MIER3: variants seen among roughly 807,000 people sequenced by gnomAD.
MIER3 encodes mesoderm induction early response protein 3.
Under a neutral mutation model 63.2 loss-of-function variants are expected in MIER3, and 9 were observed. That is an observed-to-expected ratio of 0.14 (90% CI 0.09 to 0.25). MIER3 has a LOEUF of 0.25. MIER3 is among the 10% of genes least tolerant of loss of function. MIER3 has a pLI of 1.00. For missense variants in MIER3, 512 were observed against 666.2 expected (o/e 0.77, Z 2.55); for synonymous variants, 205 against 224.9 (o/e 0.91, Z 0.79).
intron 5 of MIER3, among the ~76,000 whole-genome samples, chr5:56,937,317 T>C (rs1750481285): frequency 6.6e-6 from 1 of 152,172 alleles, no homozygotes; most frequent in Admixed American, 6.5e-5. Context: ...CCTCAAGTGA[T>C]CTGTCTGCCT....
intron 2 of MIER3, among the ~76,000 whole-genome samples, chr5:56,948,271 G>C (rs907272959): frequency 1.3e-5 from 2 of 152,126 alleles, no homozygotes; most frequent in Admixed American, 1.3e-4. Flanking sequence ...AATTTCTACA[G>C]GACTTTATTT....
rs903199802 is a variant in MIER3 at position 56,935,443 on chromosome 5, C to G, written c.580G>C (p.Asp194His). ...AEIPPYLGEY[D>H]GNEKVYENED... is the part of the protein sequence containing the mutation. ...CTTTCCTTACCTTTCTCATTACCATCGTACTCTCCAAGATAAGGGGGAATC... is the reference window on the plus strand; with the variant it reads ...CTTTCCTTACCTTTCTCATTACCATGGTACTCTCCAAGATAAGGGGGAATC... The change falls in exon 7 of 13, where the codon GAT becomes CAT. Residue 194 changes from aspartate to histidine, a missense_variant. By Grantham distance (81) the Asp-to-His change is moderately conservative (BLOSUM62 -1). Transcript: ENST00000381199. The G allele has an allele frequency of 6.3e-7, 1 of 1,591,608 alleles. No homozygotes were observed. The highest frequency in any genetic ancestry group is 8.5e-7 in the Non-Finnish European group (1 of 1,173,286).
At chr5:56,931,776 TAAGG>T (rs1750276030) in intron 8 of MIER3, among the ~76,000 whole-genome samples, 1 of 151,926 alleles carries the variant, frequency 6.6e-6, no homozygotes, top group Non-Finnish European at 1.5e-5. Flanking sequence ...ATAATAATGG[TAAGG>T]AAGGAACAAA....
At chr5:56,943,039 G>C (rs994454749) in intron 3 of MIER3, among the ~76,000 whole-genome samples, 22 of 152,166 alleles carry the variant, frequency 1.4e-4, no homozygotes, top group African/African-American at 4.8e-4. Context: ...CTGGGCTTTG[G>C]GAAGCTGAGT....
At position 56,929,013 on chromosome 5, in the gene MIER3, T is replaced by A. The variant is rs916912913; in HGVS notation, c.830-152A>T. 2.0e-3 allele frequency: 437 copies of A among 219,404 alleles called. 1 individual carries two copies. Among genetic ancestry groups the A allele is most frequent in the South Asian group, 9.9e-3 (97 of 9,836 alleles). 13.6% of individuals were successfully genotyped at this position (219,404 alleles called of 1,614,324 possible). A position where few individuals can be genotyped will look rare whatever the true frequency, so the allele number is the denominator to read the frequency against. On this transcript the variant is annotated intron_variant, in intron 9 of 12. Transcript: ENST00000381199. ...CTCTCACACACACACACACTCTCTC[T>A]CTCTCTCTCTCTCTGTATGCAGGAG...
intron 3 of MIER3, among the ~76,000 whole-genome samples, chr5:56,944,702 T>C (rs1279186933): frequency 6.6e-6 from 1 of 152,138 alleles, no homozygotes; most frequent in Non-Finnish European, 1.5e-5. Context: ...TGGTGATCTT[T>C]TTTTTTCCAG....
At chr5:56,941,024 C>A (rs1407218163) in intron 3 of MIER3, 2 of 985,130 alleles carry the variant, frequency 2.0e-6, no homozygotes, top group East Asian at 2.3e-4. Context: ...GGTCCACCTT[C>A]CCATCATTTA....
intron 10 of MIER3, among the ~76,000 whole-genome samples, chr5:56,926,478 A>C (rs79680734): frequency 6.6e-6 from 1 of 152,116 alleles, no homozygotes; most frequent in Non-Finnish European, 1.5e-5. Flanking sequence ...GCAAATAAGC[A>C]TAAGAAAAGA....
At chr5:56,950,840 C>G (rs567085129) in intron 1 of MIER3, among the ~76,000 whole-genome samples, 188 bp from the exon 2 acceptor site, 1 of 152,278 alleles carries the variant, frequency 6.6e-6, no homozygotes, top group South Asian at 2.1e-4. Flanking sequence ...CCTTCCTCCC[C>G]GAGTCCCAAG....
intron 3 of MIER3, among the ~76,000 whole-genome samples, chr5:56,946,288 C>T (rs919535805): frequency 3.3e-5 from 5 of 152,132 alleles, no homozygotes; most frequent in African/African-American, 7.2e-5. Flanking sequence ...AAATCCTACA[C>T]GTTTTCAAGG....
chr5:56,950,594 G>T, intron 2 of MIER3, 34 bp downstream of exon 2: 1 of 1,612,726 alleles, frequency 6.2e-7, no homozygotes, highest in Admixed American at 1.7e-5. Context: ...TTACCCACTG[G>T]GAACCACCGA....
At chr5:56,951,268 G>A (rs972016432) in intron 1 of MIER3, among the ~76,000 whole-genome samples, 12 of 152,064 alleles carry the variant, frequency 7.9e-5, no homozygotes, top group Admixed American at 2.6e-4. Flanking sequence ...AGAGTGTTCA[G>A]TCCCTCCCTG....
chr5:56,937,672 TGAC>T lies in MIER3; in HGVS notation c.339_341del (p.Ser114del), dbSNP rs754528310. The stretch of plus-strand genomic sequence containing the variant: ...AAGACTGAGTTTCCTCGTCATCACC[TGAC>T]AACAGGTCTTTTGCTATTTCCTCCT... On this transcript the variant is annotated inframe_deletion, in exon 5 of 13. Transcript: ENST00000381199. The T allele has an allele frequency of 6.2e-7, 1 of 1,610,648 alleles. No homozygotes were observed. Among genetic ancestry groups the T allele is most frequent in the Non-Finnish European group, 8.5e-7 (1 of 1,178,188 alleles).
Position 56,937,596 on chromosome 5 carries a change from A to G in MIER3, c.418T>C (p.Phe140Leu), listed in dbSNP as rs759344295. 1.2e-6 allele frequency: 2 copies of G among 1,611,028 alleles called. No homozygotes were observed. Among genetic ancestry groups the G allele is most frequent in the Non-Finnish European group, 1.7e-6 (2 of 1,178,378 alleles). The change falls in exon 5 of 13, where the codon TTC (phenylalanine) becomes CTC (leucine). Residue 140 changes from phenylalanine (F) to leucine (L), a missense_variant. Transcript: ENST00000381199. ...SVTSHETSDF[F>L]PRPLRSNTAC... The stretch of plus-strand genomic sequence containing the variant: ...TTCTTACATCGTAAAGGCCTAGGGA[A>G]GAAATCAGAAGTTTCATGGGAAGTC...
intron 10 of MIER3, among the ~76,000 whole-genome samples, chr5:56,927,407 C>T (rs1443856926): frequency 6.6e-6 from 1 of 152,142 alleles, no homozygotes; most frequent in Non-Finnish European, 1.5e-5. Flanking sequence ...GCTCTAAAAA[C>T]TAAAGTCCAT....
chr5:56,929,462 A>C (rs73136974), intron 9 of MIER3: 15 of 152,236 alleles, frequency 9.9e-5, no homozygotes, highest in African/African-American at 3.6e-4. Context: ...CTACTTGGGA[A>C]GCTGAGGTGG....
chr5:56,923,118 CTCACTCAGG>C lies in MIER3; in HGVS notation c.*1_*9del. Reference sequence around the variant, plus strand: ...GTGCTGCACACGCAGTTCCGGGATCCTCACTCAGGTCACTCAGAGTGTAGGGCCGCGTGC... The same window carrying C: ...GTGCTGCACACGCAGTTCCGGGATCCTCACTCAGAGTGTAGGGCCGCGTGC... On this transcript the variant is annotated 3_prime_UTR_variant, in exon 13 of 13. Coordinates refer to ENST00000381199, the MANE Select transcript of MIER3 (RefSeq NM_001297599.2). 6.2e-7 allele frequency: 1 copy of C among 1,608,216 alleles called. No individual in the cohort carries two copies. Among genetic ancestry groups the C allele is most frequent in the Non-Finnish European group, 8.5e-7 (1 of 1,175,146 alleles).
rs1319580730 is a variant in MIER3 at position 56,933,406 on chromosome 5, A to G, written c.596-8T>C. On this transcript the variant is annotated splice_polypyrimidine_tract_variant and splice_region_variant and intron_variant, in intron 7 of 12. Transcript: ENST00000381199. ...GGTCTTCGTTTTCATATACTGATAA[A>G]GAAAATCCCATTAACACATTAAAAA... is the stretch of plus-strand genomic sequence containing the variant. 6.3e-7 allele frequency: 1 copy of G among 1,597,184 alleles called. No individual in the cohort carries two copies. The highest frequency in any genetic ancestry group is 8.5e-7 in the Non-Finnish European group (1 of 1,173,928).
At chr5:56,941,234 A>C in intron 3 of MIER3, 1 of 774,716 alleles carries the variant, frequency 1.3e-6, no homozygotes, top group Non-Finnish European at 1.6e-6. Flanking sequence ...TTCAATTGTG[A>C]CTATAGACAA....
Sources: allele counts gnomAD v4.1 joint callset (sites outside exome capture counted in the v4.1 genomes callset), GRCh38; gene constraint gnomAD v4.1.1; transcripts MANE v1.5; gene names NCBI Gene and HGNC (gene_info 2026-07-23, HGNC 2026-07-21).